The following CLASRP variants were observed in gnomAD, a reference collection of about 807,000 sequenced individuals.
CLASRP encodes the protein CLK4 associating serine/arginine rich protein.
Under a neutral mutation model 99.9 loss-of-function variants are expected in CLASRP, and 52 were observed. The ratio of observed to expected loss-of-function variants is 0.52; its 90% confidence interval spans 0.42 to 0.66. The LOEUF is 0.66. CLASRP is among the 30% of genes least tolerant of loss of function. The pLI is 0.00. For synonymous variants in CLASRP, 379 were observed against 373.0 expected (o/e 1.02, Z -0.18); for missense variants, 848 against 999.2 (o/e 0.85, Z 2.04).
intron 10 of CLASRP, 86 bp from the exon 11 acceptor site, chr19:45,062,068 G>T (rs994434726): frequency 2.3e-6 from 2 of 852,892 alleles, no homozygotes; most frequent in Non-Finnish European, 4.0e-6. Context: ...CTAGCTTTGG[G>T]TCCTCAGGTT....
At position 45,057,766 on chromosome 19, in the gene CLASRP, G is replaced by T; in HGVS notation, c.481G>T (p.Ala161Ser). 6.2e-7 allele frequency: 1 copy of T among 1,614,030 alleles called. No individual in the cohort carries two copies. The highest frequency in any genetic ancestry group is 8.5e-7 in the Non-Finnish European group (1 of 1,179,932). The stretch of plus-strand genomic sequence containing the variant: ...CTTTCTCAGGCTGGCAGAGAAGAAG[G>T]CTTCCATCGGTTATACCTACGAGGA... ...DEKKKLAEKKASIGYTYEDST... is the reference protein window; with the variant it reads ...DEKKKLAEKKSSIGYTYEDST... Residue 161 changes from alanine to serine, a missense_variant, in exon 7 of 21, where the codon GCT becomes TCT. This residue lies in a region of CLASRP where 119 missense variants were observed against 170.2 expected (regional missense o/e 0.70). Coordinates refer to ENST00000221455, the MANE Select transcript of CLASRP (RefSeq NM_007056.3).
chr19:45,059,404 C>T, intron 8 of CLASRP, 40 bp downstream of exon 8: 2 of 1,487,076 alleles, frequency 1.3e-6, no homozygotes, highest in Non-Finnish European at 1.8e-6. Context: ...ATTCTGTGGG[C>T]CCCACCCTGG....
intron 18 of CLASRP, 99 bp downstream of exon 18, chr19:45,069,347 G>T: frequency 3.2e-6 from 4 of 1,259,046 alleles, no homozygotes; most frequent in Non-Finnish European, 4.6e-6. Context: ...GCTCCCTGTG[G>T]GTGGATGAAA....
At chr19:45,043,188 G>C (rs1196979175) in intron 2 of CLASRP, among the ~76,000 whole-genome samples, 1 of 125,704 alleles carries the variant, frequency 8.0e-6, no homozygotes, top group African/African-American at 3.0e-5. Flanking sequence ...TTCAGATAAG[G>C]AATACTTTGT....
intron 2 of CLASRP, 88 bp downstream of exon 2, chr19:45,040,399 T>C: frequency 1.2e-6 from 1 of 859,504 alleles, no homozygotes; most frequent in Middle Eastern, 2.2e-4. Flanking sequence ...CTTGGAAGTA[T>C]GTCAAGACAA....
Position 45,068,013 on chromosome 19 carries a change from A to G in CLASRP, c.1668-2A>G. 3 of 1,612,490 alleles carry G rather than the reference A, an allele frequency of 1.9e-6. No individual in the cohort carries two copies. The highest frequency in any genetic ancestry group is 2.5e-6 in the Non-Finnish European group (3 of 1,178,764). On this transcript the variant is annotated splice_acceptor_variant, in intron 14 of 20. Coordinates refer to ENST00000221455, the MANE Select transcript of CLASRP (RefSeq NM_007056.3). LOFTEE classifies it high-confidence loss of function. ...ATGTCCTCTGGCCCTGCCCCCACCC[A>G]GGACCGAACCTGCCGCTGGTAAAGA... is the stretch of plus-strand genomic sequence containing the variant.
At chr19:45,068,247 C>A in intron 15 of CLASRP, 173 bp from the exon 16 acceptor site, 1 of 662,220 alleles carries the variant, frequency 1.5e-6, no homozygotes. Flanking sequence ...GGGGCTCCAC[C>A]TGTCACTGAA....
intron 11 of CLASRP, 104 bp downstream of exon 11, chr19:45,062,299 A>G (rs138743378): frequency 2.7e-5 from 21 of 769,368 alleles, no homozygotes; most frequent in East Asian, 4.9e-5. Context: ...GGCCACCCCA[A>G]GATCACAGAC....
intron 5 of CLASRP, among the ~76,000 whole-genome samples, chr19:45,054,839 T>C (rs751520457): frequency 6.6e-6 from 1 of 152,146 alleles, no homozygotes; most frequent in Non-Finnish European, 1.5e-5. Flanking sequence ...TGAGATGATG[T>C]GTATAAAACC....
At chr19:45,056,212 G>A (rs982317213) in intron 5 of CLASRP, among the ~76,000 whole-genome samples, 1 of 152,160 alleles carries the variant, frequency 6.6e-6, no homozygotes, top group Non-Finnish European at 1.5e-5. Flanking sequence ...CCCATTTTAC[G>A]GAAAAGGAAA....
At chr19:45,068,198 T>C in intron 15 of CLASRP, 144 bp downstream of exon 15, 1 of 730,440 alleles carries the variant, frequency 1.4e-6, no homozygotes, top group East Asian at 2.7e-5. Context: ...GGTCTGCCCC[T>C]GTGAGAACCA....
At position 45,052,950 on chromosome 19, in the gene CLASRP, T is replaced by C. The variant is rs564182271; in HGVS notation, c.299+58T>C. ...GCGTCATACCCAGGAGCCCCTGTTC[T>C]TTTCCCAGCCTACCTGTCACCTTCC... On this transcript the variant is annotated intron_variant, in intron 4 of 20. Transcript: ENST00000221455. The C allele has an allele frequency of 1.4e-4, 220 of 1,544,874 alleles. No individual in the cohort carries two copies. The African/African-American group carries it at 2.8e-3, about 20-fold the overall frequency.
chr19:45,055,112 A>G (rs1972097189), intron 5 of CLASRP, among the ~76,000 whole-genome samples: 3 of 152,122 alleles, frequency 2.0e-5, no homozygotes, highest in African/African-American at 7.2e-5. Context: ...ACTTCCACAA[A>G]CAGTCATTGA....
At chr19:45,040,559 C>A (rs369664929) in intron 2 of CLASRP, 2 of 381,804 alleles carry the variant, frequency 5.2e-6, no homozygotes, top group African/African-American at 2.1e-5. Flanking sequence ...AAAGGGAAGT[C>A]TCTGTAACCC....
At position 45,064,507 on chromosome 19, in the gene CLASRP, C is replaced by G. The variant is rs1482249571; in HGVS notation, c.1286C>G (p.Ser429Cys). The change falls in exon 13 of 21, where the codon TCC (serine) becomes TGC (cysteine). Residue 429 changes from serine (S) to cysteine (C), a missense_variant. By Grantham distance (112) the Ser-to-Cys change is moderately radical (BLOSUM62 -1). Around this residue, in one of 8 missense-constraint regions of CLASRP, gnomAD observed 489 missense variants for 434.7 expected, o/e 1.12. Transcript: ENST00000221455. ...TCCTGGTCCCGCTCCCGCTCCCGCTCCCGGCGCTATTCCCGGTCCCGTAGC... is the reference window on the plus strand; with the variant it reads ...TCCTGGTCCCGCTCCCGCTCCCGCTGCCGGCGCTATTCCCGGTCCCGTAGC... The part of the protein sequence containing the change: ...SRSWSRSRSR[S>C]RRYSRSRSRG... 2 of 1,536,932 alleles carry G rather than the reference C, an allele frequency of 1.3e-6. No homozygotes were observed.
At chr19:45,043,316 G>A (rs2122527274) in intron 2 of CLASRP, among the ~76,000 whole-genome samples, 1 of 146,690 alleles carries the variant, frequency 6.8e-6, no homozygotes, top group Admixed American at 7.0e-5. Context: ...GGAGGCTGAG[G>A]CAGGAGAATG....
rs1461126383 is a variant in CLASRP, at chr19:45,060,602, A to G, written c.838A>G (p.Arg280Gly). The G allele has an allele frequency of 6.2e-7, 1 of 1,608,464 alleles. No homozygotes were observed. Among genetic ancestry groups the G allele is most frequent in the Non-Finnish European group, 8.5e-7 (1 of 1,178,136 alleles). ...QRREFREKRL[R>G]GRKISPPSYA... ...GAGAGAGTTTCGGGAGAAGCGGCTGAGGGGTCGCAAGATCAGCCCACCCAG... is the reference window on the plus strand; with the variant it reads ...GAGAGAGTTTCGGGAGAAGCGGCTGGGGGGTCGCAAGATCAGCCCACCCAG... Residue 280 changes from arginine to glycine, a missense_variant, in exon 10 of 21, where the codon AGG becomes GGG. By Grantham distance (125) the Arg-to-Gly change is moderately radical (BLOSUM62 -2). Around this residue, in one of 8 missense-constraint regions of CLASRP, gnomAD observed 9 missense variants for 28.5 expected, o/e 0.32. Transcript: ENST00000221455. The surrounding 1 kb of genome is among the most constrained non-coding windows in gnomAD (Gnocchi z 4.6).
intron 6 of CLASRP, 115 bp from the exon 7 acceptor site, chr19:45,057,635 C>G: frequency 8.1e-7 from 1 of 1,234,796 alleles, no homozygotes; most frequent in Non-Finnish European, 1.2e-6. Flanking sequence ...GGGTCCTAGG[C>G]TGAGGGAGAG....
chr19:45,065,804 G>A (rs1003292391), intron 13 of CLASRP, among the ~76,000 whole-genome samples: 1 of 152,168 alleles, frequency 6.6e-6, no homozygotes, highest in African/African-American at 2.4e-5. Context: ...CGCGGTAATA[G>A]CATCCGCTTC....
Sources: gnomAD v4.1 joint callset for allele counts (sites outside exome capture counted in the v4.1 genomes callset) on GRCh38, gnomAD v4.1.1 for gene constraint, gnomAD v4.1.1 regional missense constraint, Gnocchi (gnomAD v3.1) non-coding constraint, MANE v1.5 for transcripts, NCBI Gene and HGNC (gene_info 2026-07-23, HGNC 2026-07-21) for gene names.